The following TEX11 variants were observed in gnomAD, a reference collection of about 807,000 sequenced individuals.
TEX11 encodes testis expressed 11, also known as testis-expressed protein 11.
In TEX11, 7 loss-of-function variants were observed where a neutral mutation model predicts 84.4. That is an observed-to-expected ratio of 0.08 (90% CI 0.05 to 0.16). The LOEUF is 0.16. TEX11 is among the 10% of genes least tolerant of loss of function. The pLI is 1.00. For missense variants in TEX11, 551 were observed against 660.5 expected, an observed-to-expected ratio of 0.83 and a Z score of 1.82; for synonymous variants, 264 against 222.8, an observed-to-expected ratio of 1.18 and a Z score of -1.64.
intron 17 of TEX11, among the ~76,000 whole-genome samples, chrX:70,632,370 G>A (rs1016148622): frequency 9.0e-6 from 1 of 111,094 alleles, no homozygotes; most frequent in Admixed American, 9.6e-5. Context: ...AAACAATAGA[G>A]GCCAAGGTAG....
chrX:70,840,381 C>G (rs1421335641), intron 7 of TEX11, among the ~76,000 whole-genome samples: 2 of 111,151 alleles, frequency 1.8e-5, no homozygotes, highest in South Asian at 3.9e-4. Flanking sequence ...GCCAAACTAA[C>G]CTTCATAAGT....
At chrX:70,699,201 G>A (rs957115585) in intron 13 of TEX11, among the ~76,000 whole-genome samples, 9 of 111,327 alleles carry the variant, frequency 8.1e-5, no homozygotes, top group Admixed American at 5.8e-4. Context: ...ACAGACACAT[G>A]AGTGAAGAAA....
intron 25 of TEX11, among the ~76,000 whole-genome samples, chrX:70,555,780 G>T (rs746529655): frequency 8.9e-6 from 1 of 112,013 alleles, no homozygotes; most frequent in African/African-American, 3.2e-5. Flanking sequence ...CTTCAATGCA[G>T]TTTTCTTTGT....
At chrX:70,782,645 C>CAAA (rs780011355) in intron 9 of TEX11, among the ~76,000 whole-genome samples, 2,386 of 28,824 alleles carry the variant, frequency 0.083, 286 homozygotes, top group Non-Finnish European at 0.095. Flanking sequence ...AAATGGAAAG[C>CAAA]AAAAAAAAAA....
chrX:70,897,979 G>A (rs1169435413), intron 2 of TEX11, among the ~76,000 whole-genome samples: 1 of 111,594 alleles, frequency 9.0e-6, no homozygotes, highest in Non-Finnish European at 1.9e-5. Context: ...TAGCAACTCA[G>A]CCCTGAACAG....
intron 24 of TEX11, among the ~76,000 whole-genome samples, chrX:70,598,742 T>G (rs192083213): frequency 8.9e-6 from 1 of 112,118 alleles, no homozygotes; most frequent in African/African-American, 3.2e-5. Flanking sequence ...AAAATGTTAT[T>G]CAGGCATTTA....
intron 20 of TEX11, among the ~76,000 whole-genome samples, chrX:70,620,653 T>C (rs2089373417): frequency 8.9e-6 from 1 of 112,495 alleles, no homozygotes; most frequent in African/African-American, 3.2e-5. Context: ...TGCACATGAA[T>C]GTTTACAGAA....
intron 25 of TEX11, among the ~76,000 whole-genome samples, chrX:70,583,522 C>T (rs770465303): frequency 1.7e-4 from 19 of 111,951 alleles, no homozygotes; most frequent in Non-Finnish European, 2.4e-4. Flanking sequence ...TTGATGGATA[C>T]GTAGGTTGAC....
At chrX:70,867,874 C>T (rs374035647) in intron 4 of TEX11, among the ~76,000 whole-genome samples, 99 of 111,745 alleles carry the variant, frequency 8.9e-4, no homozygotes, top group African/African-American at 3.0e-3. Context: ...AAAAAATTAA[C>T]TCAACATGGA....
chrX:70,840,352 A>T (rs1215773501), intron 7 of TEX11, among the ~76,000 whole-genome samples: 1 of 111,765 alleles, frequency 8.9e-6, no homozygotes, highest in East Asian at 2.8e-4. Flanking sequence ...AGAATTTTCA[A>T]CCCACAATCT....
chrX:70,755,195 T>C (rs1459628315), intron 9 of TEX11, among the ~76,000 whole-genome samples: 5 of 112,440 alleles, frequency 4.4e-5, no homozygotes, highest in Non-Finnish European at 9.4e-5. Context: ...TGAAAATAGC[T>C]GTTTTGAGGA....
chrX:70,774,222 T>C (rs974330760), intron 9 of TEX11, among the ~76,000 whole-genome samples: 3 of 105,063 alleles, frequency 2.9e-5, no homozygotes, highest in African/African-American at 1.1e-4. Flanking sequence ...AAAGAATAAA[T>C]GTACCTCAAT....
chrX:70,606,940 C>G lies in TEX11; in HGVS notation c.1950+19G>C. ...CTTGTTGTGGTCCATACATGAGATA[C>G]TTATTAAAAGAAACTTACCTTATAA... On this transcript the variant is annotated intron_variant, in intron 23 of 29. Transcript: ENST00000374333. 4 of 1,111,952 alleles carry G rather than the reference C, an allele frequency of 3.6e-6. No individual in the cohort carries two copies. Among genetic ancestry groups the G allele is most frequent in the Non-Finnish European group, 4.9e-6 (4 of 817,711 alleles). 91.6% of individuals were successfully genotyped at this position (1,111,952 alleles called of 1,213,427 possible). A position where few individuals can be genotyped will look rare whatever the true frequency, so the allele number is the denominator to read the frequency against.
At position 70,877,291 on chromosome X, in the gene TEX11, T is replaced by TA. The variant is rs376479023; in HGVS notation, c.159+2696dup. 2.6e-3 allele frequency among the ~76,000 whole-genome samples: 259 copies of TA among 98,188 alleles called. 1 individual carries two copies. The highest frequency in any genetic ancestry group is 5.5e-3 in the African/African-American group (150 of 27,282). The allele number at this position is 98,188 out of a possible 115,157, so 85.3% of individuals were successfully genotyped here. ...CCTGGGCAACAGAGTGTGATTGTCT[T>TA]AAAAAAAAAAAACAAAAACAAAAAC... is the stretch of plus-strand genomic sequence containing the variant. On this transcript the variant is annotated intron_variant, in intron 3 of 29. Coordinates refer to ENST00000374333, the MANE Select transcript of TEX11 (RefSeq NM_031276.3).
At chrX:70,761,193 A>T (rs986284766) in intron 9 of TEX11, among the ~76,000 whole-genome samples, 5 of 111,880 alleles carry the variant, frequency 4.5e-5, no homozygotes, top group Admixed American at 1.9e-4. Flanking sequence ...ATTGTGGAAG[A>T]CAGTGTGGCG....
chrX:70,873,037 G>GA (rs201011589), intron 4 of TEX11, among the ~76,000 whole-genome samples, 186 bp downstream of exon 4: 50 of 109,317 alleles, frequency 4.6e-4, no homozygotes, highest in African/African-American at 1.3e-3. Context: ...GCTAACCTCT[G>GA]AAAAAAAAAT....
intron 12 of TEX11, among the ~76,000 whole-genome samples, chrX:70,723,421 A>G (rs750952989): frequency 3.6e-5 from 4 of 112,128 alleles, no homozygotes; most frequent in Admixed American, 9.6e-5. Context: ...TGAAAAATGT[A>G]TAAGATTAGT....
intron 25 of TEX11, among the ~76,000 whole-genome samples, chrX:70,563,611 G>A (rs775229813): frequency 4.5e-4 from 50 of 111,548 alleles, no homozygotes; most frequent in Non-Finnish European, 7.7e-4. Flanking sequence ...TGACATCAGT[G>A]AGAAAGTGTT....
chrX:70,751,614 C>A (rs2090826427), intron 9 of TEX11, among the ~76,000 whole-genome samples: 1 of 109,110 alleles, frequency 9.2e-6, no homozygotes, highest in Admixed American at 9.9e-5. Context: ...GCACTTGTAC[C>A]CTAAAACTTA....
Sources: gnomAD v4.1 joint callset for allele counts (sites outside exome capture counted in the v4.1 genomes callset) on GRCh38, gnomAD v4.1.1 for gene constraint, MANE v1.5 for transcripts, NCBI Gene and HGNC (gene_info 2026-07-23, HGNC 2026-07-21) for gene names.